The following ABL1 variants were observed in gnomAD, a reference collection of about 807,000 sequenced individuals.
ABL1 encodes the protein ABL proto-oncogene 1, non-receptor tyrosine kinase, also known as tyrosine-protein kinase ABL1.
Under a neutral mutation model 94.7 loss-of-function variants are expected in ABL1, and 11 were observed. That is an observed-to-expected ratio of 0.12 (90% CI 0.07 to 0.19). The LOEUF is 0.19. Ranked by LOEUF, ABL1 falls within the 10% of genes least tolerant of loss-of-function variation. The pLI, the probability that ABL1 is intolerant of heterozygous loss-of-function variation, is 1.00. For synonymous variants in ABL1, 656 were observed against 622.4 expected (o/e 1.05, Z -0.80); for missense variants, 1,082 against 1,489.4 (o/e 0.73, Z 4.50).
chr9:130,809,316 A>G (rs1830171633), intron 1 of ABL1, among the ~76,000 whole-genome samples: 1 of 151,868 alleles, frequency 6.6e-6, no homozygotes, highest in Admixed American at 6.6e-5. Context: ...GTAGCAGAGT[A>G]GAACATTTCA....
At chr9:130,752,392 C>A (rs1481284365) in intron 1 of ABL1, among the ~76,000 whole-genome samples, 1 of 152,130 alleles carries the variant, frequency 6.6e-6, no homozygotes, top group Non-Finnish European at 1.5e-5. Flanking sequence ...TGCTGCCTAC[C>A]AAATATCTAT....
In ABL1 at chr9:130,880,762, C is replaced by A. The variant is rs1471996188; in HGVS notation, c.1678+98C>A. 2.8e-6 allele frequency: 4 copies of A among 1,423,894 alleles called. No individual in the cohort carries two copies. Among genetic ancestry groups the A allele is most frequent in the Non-Finnish European group, 3.8e-6 (4 of 1,060,532 alleles). The allele number at this position is 1,423,894 out of a possible 1,614,324, so 88.2% of individuals were successfully genotyped here. A position where few individuals can be genotyped will look rare whatever the true frequency, so the allele number is the denominator to read the frequency against. ...GCCAACGGGAAGCTGTGAATGGAGCCCGCACAGAAGGGCAGCCATGGCCTT... is the reference window on the plus strand; with the variant it reads ...GCCAACGGGAAGCTGTGAATGGAGCACGCACAGAAGGGCAGCCATGGCCTT... On this transcript the variant is annotated intron_variant, in intron 10 of 10. Coordinates refer to ENST00000318560, the MANE Select transcript of ABL1 (RefSeq NM_005157.6). This position sits in a 1 kb window ranked among gnomAD's most constrained non-coding sequence, Gnocchi z 4.4.
chr9:130,823,050 C>A lies in ABL1; in HGVS notation c.137-31014C>A, dbSNP rs549622263. 1.8e-3 allele frequency among the ~76,000 whole-genome samples: 271 copies of A among 152,294 alleles called. 1 individual carries two copies. The highest frequency in any genetic ancestry group is 6.0e-3 in the African/African-American group (251 of 41,560). ...TGACCTCGTGATCCTCCCACCTCGG[C>A]CTCCCAAAGTGCTGGGATTACAGGT... On this transcript the variant is annotated intron_variant, in intron 1 of 10. Transcript: ENST00000372348.
chr9:130,714,047 G>A (rs75496288), exon 1 of ABL1: 2 of 341,650 alleles, frequency 5.9e-6, no homozygotes, highest in East Asian at 4.5e-5. Context: ...TATTCAGCCC[G>A]TTTAAAACAA....
chr9:130,744,089 C>G (rs1415131240), intron 1 of ABL1, among the ~76,000 whole-genome samples: 2 of 150,954 alleles, frequency 1.3e-5, no homozygotes, highest in African/African-American at 4.9e-5. Context: ...TTTTCCTGTT[C>G]CCTAATTTGC....
intron 1 of ABL1, among the ~76,000 whole-genome samples, chr9:130,734,881 A>G (rs1284063655): frequency 1.3e-5 from 2 of 152,118 alleles, no homozygotes; most frequent in Middle Eastern, 3.4e-3. Flanking sequence ...TGTGTAACAA[A>G]CATACCTTAT....
Position 130,863,108 on chromosome 9 carries a change from C to G in ABL1, c.822+73C>G. Reference sequence around the variant, plus strand: ...CTGCTGGCATTAGGCGATGCATCTGCCTGGAAGTCTACCTCCTGCCTGCTG... The same window carrying G: ...CTGCTGGCATTAGGCGATGCATCTGGCTGGAAGTCTACCTCCTGCCTGCTG... On this transcript the variant is annotated intron_variant, in intron 4 of 10. Coordinates refer to ENST00000318560, the MANE Select transcript of ABL1 (RefSeq NM_005157.6). This position sits in a 1 kb window ranked among gnomAD's most constrained non-coding sequence, Gnocchi z 4.3. The G allele has an allele frequency of 6.8e-7, 1 of 1,469,688 alleles. No homozygotes were observed. Among genetic ancestry groups the G allele is most frequent in the Non-Finnish European group, 9.1e-7 (1 of 1,102,678 alleles). 91.0% of individuals were successfully genotyped at this position (1,469,688 alleles called of 1,614,324 possible).
chr9:130,873,393 GT>G (rs1831286863), intron 6 of ABL1, among the ~76,000 whole-genome samples: 1 of 152,220 alleles, frequency 6.6e-6, no homozygotes, highest in African/African-American at 2.4e-5. Context: ...AGTACTCATT[GT>G]TCCTCCGGGG....
rs145125975 is a variant in ABL1 at position 130,880,374 on chromosome 9, G to A, written c.1514-126G>A. The A allele has an allele frequency of 7.7e-4, 933 of 1,213,060 alleles. 5 individuals carry two copies. In the African/African-American group the frequency reaches 0.011, roughly 14 times the overall value. 75.1% of individuals were successfully genotyped at this position (1,213,060 alleles called of 1,614,324 possible). ...TAAGGGCTGTTTCTCCGGTATCCAC[G>A]TGCCTTTTCTTTAGTTGTATGCAGA... is the stretch of plus-strand genomic sequence containing the variant. On this transcript the variant is annotated intron_variant, in intron 9 of 10. Transcript: ENST00000318560. The surrounding 1 kb of genome is among the most constrained non-coding windows in gnomAD (Gnocchi z 4.4).
chr9:130,773,303 G>A lies in ABL1; in HGVS notation c.136+58848G>A, dbSNP rs138863490. 4.2e-3 allele frequency among the ~76,000 whole-genome samples: 637 copies of A among 151,980 alleles called. 8 individuals carry two copies. The highest frequency in any genetic ancestry group is 0.014 in the African/African-American group (599 of 41,436). On this transcript the variant is annotated intron_variant, in intron 1 of 10. Coordinates refer to the ABL1 transcript ENST00000372348. ...CATTGCACTCCAGCCTGGGCAACAA[G>A]AGTGAAACTCCATCTCGAATTTAAA... is the stretch of plus-strand genomic sequence containing the variant.
In ABL1 at chr9:130,855,021, T is replaced by C. The variant is rs750774244; in HGVS notation, c.474T>C (p.Pro158=). The C allele has an allele frequency of 7.4e-6, 12 of 1,614,198 alleles. No homozygotes were observed. Among genetic ancestry groups the C allele is most frequent in the Non-Finnish European group, 1.0e-5 (12 of 1,180,044 alleles). ...TGGTGCGTGAGAGTGAGAGCAGTCC[T>C]GGCCAGAGGTCCATCTCGCTGAGAT... ...SFLVRESESS[P]GQRSISLRYE... is the part of the protein sequence containing the mutation. The change falls in exon 3 of 11, where the codon CCT becomes CCC. Residue 158 remains proline (P), a synonymous_variant. Transcript: ENST00000318560.
intron 1 of ABL1, among the ~76,000 whole-genome samples, chr9:130,728,702 T>TTTA (rs1032264528): frequency 6.6e-6 from 1 of 151,560 alleles, no homozygotes; most frequent in African/African-American, 2.4e-5. Context: ...TTTTTTTTTT[T>TTTA]TATAGTTTGT....
chr9:130,885,469 G>T lies in ABL1; in HGVS notation c.3179G>T (p.Gly1060Val). The change falls in exon 11 of 11, where the codon GGC (glycine) becomes GTC (valine). Residue 1060 changes from glycine (G) to valine (V), a missense_variant. Around this residue, in one of 7 missense-constraint regions of ABL1, gnomAD observed 780 missense variants for 835.8 expected, o/e 0.93. Coordinates refer to ENST00000318560, the MANE Select transcript of ABL1 (RefSeq NM_005157.6). ...MASHSAVLEA[G>V]KNLYTFCVSY... ...AGCCACAGCGCAGTGCTGGAGGCCG[G>T]CAAAAACCTCTACACGTTCTGCGTG... 6.2e-7 allele frequency: 1 copy of T among 1,614,070 alleles called. No homozygotes were observed. Among genetic ancestry groups the T allele is most frequent in the Non-Finnish European group, 8.5e-7 (1 of 1,180,044 alleles).
chr9:130,732,197 T>A (rs1831675032), intron 1 of ABL1, among the ~76,000 whole-genome samples: 2 of 152,192 alleles, frequency 1.3e-5, no homozygotes, highest in Non-Finnish European at 2.9e-5. Context: ...AAGTACTAAG[T>A]GCCTGTTCTG....
intron 1 of ABL1, among the ~76,000 whole-genome samples, chr9:130,785,264 C>T (rs1829811383): frequency 6.6e-6 from 1 of 152,190 alleles, no homozygotes; most frequent in Non-Finnish European, 1.5e-5. Flanking sequence ...TGCCCAGAAA[C>T]ACATATCAGC....
At chr9:130,848,936 T>C (rs1462262325) in intron 1 of ABL1, among the ~76,000 whole-genome samples, 1 of 150,854 alleles carries the variant, frequency 6.6e-6, no homozygotes, top group East Asian at 1.9e-4. Context: ...CGAGACTCCG[T>C]CTCGAGAAAA....
intron 10 of ABL1, among the ~76,000 whole-genome samples, chr9:130,882,608 C>T (rs1460286348): frequency 2.0e-5 from 3 of 152,048 alleles, no homozygotes; most frequent in South Asian, 2.1e-4. Flanking sequence ...GATACCAGCT[C>T]ACTGCAACCT....
intron 1 of ABL1, among the ~76,000 whole-genome samples, chr9:130,750,441 CTCCCTCCT>C: frequency 1.9e-5 from 2 of 107,182 alleles, no homozygotes; most frequent in African/African-American, 6.6e-5. Context: ...CCCTCCCTCC[CTCCCTCCT>C]TTCCTCACTC....
At chr9:130,772,399 G>T (rs191206908) in intron 1 of ABL1, among the ~76,000 whole-genome samples, 10 of 152,360 alleles carry the variant, frequency 6.6e-5, no homozygotes, top group Admixed American at 2.0e-4. Context: ...AGATGGTCAT[G>T]ATTTTCAGGA....
Sources: allele counts gnomAD v4.1 joint callset (sites outside exome capture counted in the v4.1 genomes callset), GRCh38; gene constraint gnomAD v4.1.1; regional missense constraint gnomAD v4.1.1; non-coding constraint Gnocchi (gnomAD v3.1); transcripts MANE v1.5; gene names NCBI Gene and HGNC (gene_info 2026-07-23, HGNC 2026-07-21).